Variants in SYT1 observed in about 807,000 individuals in gnomAD.
The protein encoded by SYT1 is synaptotagmin-1.
SYT1 carries 8 observed loss-of-function variants against 44.8 expected under a neutral mutation model. That is an observed-to-expected ratio of 0.18 (90% CI 0.10 to 0.32). The LOEUF (loss-of-function observed/expected upper bound fraction) is 0.32, where lower values mean the gene tolerates loss of function less well. Ranked by LOEUF, SYT1 falls within the 10% of genes least tolerant of loss-of-function variation. The pLI is 1.00. For missense variants in SYT1, 286 were observed against 509.3 expected (o/e 0.56, Z 4.22); for synonymous variants, 154 against 188.8 (o/e 0.82, Z 1.51).
At chr12:79,360,048 T>C (rs958510472) in intron 9 of SYT1, among the ~76,000 whole-genome samples, 9 of 152,100 alleles carry the variant, frequency 5.9e-5, no homozygotes, top group Non-Finnish European at 7.4e-5. Flanking sequence ...AACCTGGAAA[T>C]TGCCTTTTAA....
chr12:79,370,496 C>G (rs987446119), intron 9 of SYT1, among the ~76,000 whole-genome samples: 2 of 152,118 alleles, frequency 1.3e-5, no homozygotes, highest in Non-Finnish European at 2.9e-5. Context: ...GGCGCGGTGG[C>G]TCACTCCTGT....
At chr12:79,152,113 T>C (rs953459937) in intron 3 of SYT1, among the ~76,000 whole-genome samples, 2 of 152,090 alleles carry the variant, frequency 1.3e-5, no homozygotes, top group African/African-American at 4.8e-5. Flanking sequence ...TGACAGATAC[T>C]ACTAAAGGGA....
intron 9 of SYT1, among the ~76,000 whole-genome samples, chr12:79,403,830 G>A (rs1007605673): frequency 1.3e-5 from 2 of 152,084 alleles, no homozygotes; most frequent in African/African-American, 4.8e-5. Context: ...CTGTAAGTGG[G>A]GCCCAGGAAT....
chr12:79,026,907 A>C (rs1300478104), intron 2 of SYT1, among the ~76,000 whole-genome samples: 1 of 151,334 alleles, frequency 6.6e-6, no homozygotes, highest in Non-Finnish European at 1.5e-5. Context: ...AGCGATAACA[A>C]GTGTTGGAAA....
chr12:79,399,798 A>T (rs906709913), intron 9 of SYT1, among the ~76,000 whole-genome samples: 2 of 152,210 alleles, frequency 1.3e-5, no homozygotes, highest in Admixed American at 1.3e-4. Flanking sequence ...TCCATTTCTA[A>T]CAAGTCCCCA....
intron 3 of SYT1, among the ~76,000 whole-genome samples, chr12:79,083,257 G>C (rs1877157717): frequency 1.3e-5 from 2 of 152,144 alleles, no homozygotes; most frequent in South Asian, 4.1e-4. Flanking sequence ...CAAGGTACTA[G>C]TGAAGATGTG....
At chr12:79,130,483 A>G (rs909992550) in intron 3 of SYT1, among the ~76,000 whole-genome samples, 1 of 152,212 alleles carries the variant, frequency 6.6e-6, no homozygotes, top group South Asian at 2.1e-4. Context: ...GAGCACAGGA[A>G]TTGTCTGCCT....
chr12:78,975,344 G>A (rs1868746029), intron 1 of SYT1, among the ~76,000 whole-genome samples: 1 of 152,188 alleles, frequency 6.6e-6, no homozygotes, highest in Admixed American at 6.5e-5. Flanking sequence ...CAGAGAAGGG[G>A]TGGAGGCAGT....
At chr12:79,195,578 C>G (rs1873403798) in intron 3 of SYT1, among the ~76,000 whole-genome samples, 1 of 150,518 alleles carries the variant, frequency 6.6e-6, no homozygotes. Context: ...TACCGAAGTT[C>G]AGAAACATGG....
chr12:79,038,960 T>C (rs769678816), intron 2 of SYT1, among the ~76,000 whole-genome samples: 84 of 152,048 alleles, frequency 5.5e-4, no homozygotes, highest in Admixed American at 7.2e-4. Flanking sequence ...GTTATCTTTT[T>C]AAAAACATAC....
At chr12:79,189,391 G>A (rs1872983150) in intron 3 of SYT1, among the ~76,000 whole-genome samples, 1 of 152,048 alleles carries the variant, frequency 6.6e-6, no homozygotes, top group Non-Finnish European at 1.5e-5. Flanking sequence ...ATAACTTTTA[G>A]CTATTGTTTG....
At chr12:79,438,209 A>C (rs770172268) in intron 9 of SYT1, among the ~76,000 whole-genome samples, 1 of 152,192 alleles carries the variant, frequency 6.6e-6, no homozygotes, top group Non-Finnish European at 1.5e-5. Context: ...AAACAGAGGC[A>C]TATCTCATAT....
At chr12:79,260,607 C>G (rs1877775430) in intron 4 of SYT1, among the ~76,000 whole-genome samples, 3 of 152,138 alleles carry the variant, frequency 2.0e-5, no homozygotes. Context: ...CTGCCTTTCC[C>G]AGGTTTGAAC....
chr12:78,878,906 G>C (rs1305140162), intron 1 of SYT1, among the ~76,000 whole-genome samples: 1 of 151,662 alleles, frequency 6.6e-6, no homozygotes, highest in East Asian at 1.9e-4. Flanking sequence ...TTATAAGACT[G>C]TCATCTCAAT....
At chr12:78,931,972 A>T (rs1018645636) in intron 1 of SYT1, among the ~76,000 whole-genome samples, 2 of 126,046 alleles carry the variant, frequency 1.6e-5, no homozygotes, top group African/African-American at 6.3e-5. Flanking sequence ...AAACTTTGAC[A>T]TGACTATCCT....
chr12:79,441,778 A>G (rs1870436562), intron 9 of SYT1, among the ~76,000 whole-genome samples: 1 of 152,114 alleles, frequency 6.6e-6, no homozygotes, highest in Non-Finnish European at 1.5e-5. Flanking sequence ...TTGTTTCTCA[A>G]ACATGCAGAA....
At chr12:78,942,657 A>G (rs1878439899) in intron 1 of SYT1, among the ~76,000 whole-genome samples, 1 of 152,230 alleles carries the variant, frequency 6.6e-6, no homozygotes, top group African/African-American at 2.4e-5. Flanking sequence ...AGGTAGTACC[A>G]GCTTACTGTA....
chr12:79,364,767 T>A (rs1883470744), intron 9 of SYT1, among the ~76,000 whole-genome samples: 1 of 152,132 alleles, frequency 6.6e-6, no homozygotes, highest in African/African-American at 2.4e-5. Context: ...TAATAAAGTG[T>A]CCCGTTAACA....
intron 3 of SYT1, among the ~76,000 whole-genome samples, chr12:79,148,272 C>G (rs558805611): frequency 5.3e-5 from 8 of 152,072 alleles, no homozygotes; most frequent in Non-Finnish European, 1.2e-4. Context: ...AAACTCCTTC[C>G]AATCTTCTGT....
Sources: allele counts gnomAD v4.1 joint callset (sites outside exome capture counted in the v4.1 genomes callset), GRCh38; gene constraint gnomAD v4.1.1; transcripts MANE v1.5; gene names NCBI Gene and HGNC (gene_info 2026-07-23, HGNC 2026-07-21).